The following WSCD2 variants were observed in gnomAD, a reference collection of about 807,000 sequenced individuals.
WSCD2 encodes WSC domain sialate O sulfotransferase 2.
Under a neutral mutation model 55.7 loss-of-function variants are expected in WSCD2, and 28 were observed. The ratio of observed to expected loss-of-function variants is 0.50; its 90% CI spans 0.37 to 0.69. The LOEUF (loss-of-function observed/expected upper bound fraction) is 0.69, where lower values mean the gene tolerates loss of function less well. Ranked by LOEUF, WSCD2 falls within the 30% of genes least tolerant of loss-of-function variation. The probability of loss-of-function intolerance (pLI) is 0.00; values close to 1 mark genes in which losing one functional copy is unlikely to be tolerated. For synonymous variants in WSCD2, 301 were observed against 301.9 expected (o/e 1.00, Z 0.03); for missense variants, 616 against 762.1 (o/e 0.81, Z 2.26).
intron 1 of WSCD2, among the ~76,000 whole-genome samples, chr12:108,187,964 A>G (rs1592968770): frequency 6.6e-6 from 1 of 152,310 alleles, no homozygotes; most frequent in East Asian, 1.9e-4. Context: ...AAGATTGCCC[A>G]TGGAGCAAGA....
chr12:108,227,470 G>C (rs1888237059), intron 6 of WSCD2, among the ~76,000 whole-genome samples: 1 of 152,246 alleles, frequency 6.6e-6, no homozygotes, highest in African/African-American at 2.4e-5. Flanking sequence ...CAGATTCACT[G>C]TGTTATCCCG....
chr12:108,208,640 A>G (rs1219377885), intron 3 of WSCD2, among the ~76,000 whole-genome samples: 1 of 152,186 alleles, frequency 6.6e-6, no homozygotes, highest in Non-Finnish European at 1.5e-5. Context: ...GAGTACACAG[A>G]GGGTACAAAG....
rs147841464 is a variant in WSCD2, at chr12:108,189,444, T to C, written c.-551-5838T>C. On this transcript the variant is annotated intron_variant, in intron 1 of 8. Coordinates refer to ENST00000547525, the MANE Select transcript of WSCD2 (RefSeq NM_014653.4). ...GCTTCCAAATGTTAATATTCTAGCA[T>C]GTCTTGCCTGCCAACCACACAAGCA... is the stretch of plus-strand genomic sequence containing the variant. 338 of 152,326 alleles carry C rather than the reference T, an allele frequency of 2.2e-3. 1 individual carries two copies. Among genetic ancestry groups the C allele is most frequent in the African/African-American group, 7.5e-3 (311 of 41,570 alleles). The allele number at this position is 152,326 out of a possible 1,614,324, so 9.4% of individuals were successfully genotyped here.
Position 108,240,423 on chromosome 12 carries a change from C to T in WSCD2, c.1224C>T (p.Ile408=), listed in dbSNP as rs1292367195. 1.9e-6 allele frequency: 3 copies of T among 1,614,142 alleles called. No homozygotes were observed. Among genetic ancestry groups the T allele is most frequent in the Admixed American group, 1.7e-5 (1 of 60,034 alleles). The change falls in exon 8 of 9, where the codon ATC becomes ATT. Residue 408 remains isoleucine (I), a synonymous_variant. Transcript: ENST00000547525. Reference sequence around the variant, plus strand: ...CGCACGAAAGCGGCCAGAAAGAGATCGAGGCCTTCGACGCCGCCATCCTGC... The same window carrying T: ...CGCACGAAAGCGGCCAGAAAGAGATTGAGGCCTTCGACGCCGCCATCCTGC... ...IKTHESGQKE[I]EAFDAAILLI...
intron 4 of WSCD2, among the ~76,000 whole-genome samples, chr12:108,217,581 G>T (rs1886991370): frequency 6.6e-6 from 1 of 152,086 alleles, no homozygotes; most frequent in East Asian, 1.9e-4. Flanking sequence ...TTCCCTTCCT[G>T]GCTTGGAAGG....
chr12:108,216,445 C>A (rs1051524160), intron 4 of WSCD2, among the ~76,000 whole-genome samples: 2 of 152,174 alleles, frequency 1.3e-5, no homozygotes, highest in Admixed American at 1.3e-4. Flanking sequence ...TTCATGACTC[C>A]AGGGAGTACC....
chr12:108,207,823 T>C (rs566707158), intron 3 of WSCD2, among the ~76,000 whole-genome samples: 2 of 152,124 alleles, frequency 1.3e-5, no homozygotes, highest in South Asian at 4.2e-4. Context: ...ATCACTAACT[T>C]ATCTGTCAAA....
chr12:108,152,751 A>G (rs1296760803), intron 1 of WSCD2, among the ~76,000 whole-genome samples: 1 of 152,222 alleles, frequency 6.6e-6, no homozygotes, highest in African/African-American at 2.4e-5. Context: ...TGCTAGGTTC[A>G]GATCCCTAAA....
chr12:108,168,410 C>T (rs745535952), intron 1 of WSCD2, among the ~76,000 whole-genome samples: 1 of 152,196 alleles, frequency 6.6e-6, no homozygotes, highest in Non-Finnish European at 1.5e-5. Context: ...CCCCCATCTC[C>T]TCCATTAGGT....
chr12:108,240,807 G>C (rs139276026), intron 8 of WSCD2, among the ~76,000 whole-genome samples: 391 of 152,322 alleles, frequency 2.6e-3, no homozygotes, highest in Non-Finnish European at 4.8e-3. Flanking sequence ...AAAATCATGG[G>C]CTTGGGAGAA....
intron 1 of WSCD2, among the ~76,000 whole-genome samples, chr12:108,193,428 ATGAG>A (rs1440712745): frequency 2.6e-5 from 4 of 152,270 alleles, no homozygotes; most frequent in African/African-American, 9.6e-5. Flanking sequence ...AAATGGAAGA[ATGAG>A]TGGATGACTG....
chr12:108,248,433 C>A lies in WSCD2; in HGVS notation c.*90C>A. On this transcript the variant is annotated 3_prime_UTR_variant, in exon 9 of 9. Coordinates refer to ENST00000547525, the MANE Select transcript of WSCD2 (RefSeq NM_014653.4). This position sits in a 1 kb window ranked among gnomAD's most constrained non-coding sequence, Gnocchi z 4.3. The stretch of plus-strand genomic sequence containing the variant: ...CCCTGGTTACCCCCACTCATCTGTC[C>A]TCTCTTTGGTCTGGGGACAATCCCC... The A allele has an allele frequency of 6.7e-7, 1 of 1,492,176 alleles. No homozygotes were observed. Among genetic ancestry groups the A allele is most frequent in the East Asian group, 2.4e-5 (1 of 42,056 alleles). 92.4% of individuals were successfully genotyped at this position (1,492,176 alleles called of 1,614,324 possible).
In WSCD2 at chr12:108,210,535, G is replaced by T. The variant is rs919332433; in HGVS notation, c.682+230G>T. ...CTCTCCCTCCCACTGAGCTGCGTCT[G>T]GTTCCAGCTGTATCCCTCATTCTCA... is the stretch of plus-strand genomic sequence containing the variant. On this transcript the variant is annotated intron_variant, in intron 4 of 8. Transcript: ENST00000547525. This position sits in a 1 kb window ranked among gnomAD's most constrained non-coding sequence, Gnocchi z 4.3. Among the ~76,000 whole-genome samples the T allele has an allele frequency of 6.6e-6, 1 of 152,190 alleles. No individual in the cohort carries two copies. Among genetic ancestry groups the T allele is most frequent in the African/African-American group, 2.4e-5 (1 of 41,448 alleles).
intron 1 of WSCD2, among the ~76,000 whole-genome samples, chr12:108,166,579 G>A (rs1406558271): frequency 2.0e-5 from 3 of 152,176 alleles, no homozygotes; most frequent in South Asian, 4.1e-4. Flanking sequence ...CTGATCCACC[G>A]GAGAGTAAGC....
chr12:108,242,396 G>T (rs74546273), intron 8 of WSCD2, among the ~76,000 whole-genome samples: 3,777 of 152,224 alleles, frequency 0.025, 223 homozygotes, highest in East Asian at 0.25. Context: ...AGCAAAACTG[G>T]TCACCAGGCT....
chr12:108,142,175 G>C (rs1337325872), intron 1 of WSCD2, among the ~76,000 whole-genome samples: 1 of 151,958 alleles, frequency 6.6e-6, no homozygotes, highest in Admixed American at 6.5e-5. Flanking sequence ...TTTCCTTTTT[G>C]AAAAACTAAT....
rs74374883 is a variant in WSCD2, at chr12:108,203,137, G to A, written c.383-3152G>A. ...GGCAAGTTGCTAAGCTTGAGTATCA[G>A]TGTAGTAGTTAGTGCTCCCCCTACC... On this transcript the variant is annotated intron_variant, in intron 2 of 8. Coordinates refer to ENST00000547525, the MANE Select transcript of WSCD2 (RefSeq NM_014653.4). Among the ~76,000 whole-genome samples, 1,229 of 152,326 alleles carry A rather than the reference G, an allele frequency of 8.1e-3. 18 individuals carry two copies. Among genetic ancestry groups the A allele is most frequent in the African/African-American group, 0.029 (1,187 of 41,568 alleles).
At chr12:108,244,488 A>T (rs1162232160) in intron 8 of WSCD2, 1 of 702,780 alleles carries the variant, frequency 1.4e-6, no homozygotes, top group Non-Finnish European at 2.6e-6. Context: ...TCATAACACT[A>T]ACCAGTATTT....
rs1403184312 is a variant in WSCD2 at position 108,248,367 on chromosome 12, G to A, written c.*24G>A. ...GATGCGTCCACACAGGGGGAGGGTA[G>A]ACTGGGAGTCCTGACCACGCAGGCC... On this transcript the variant is annotated 3_prime_UTR_variant, in exon 9 of 9. Transcript: ENST00000547525. The surrounding 1 kb of genome is among the most constrained non-coding windows in gnomAD (Gnocchi z 4.3). 1 of 1,595,998 alleles carries A rather than the reference G, an allele frequency of 6.3e-7. No individual in the cohort carries two copies. The highest frequency in any genetic ancestry group is 8.6e-7 in the Non-Finnish European group (1 of 1,168,390).
Sources: allele counts gnomAD v4.1 joint callset (sites outside exome capture counted in the v4.1 genomes callset), GRCh38; gene constraint gnomAD v4.1.1; non-coding constraint Gnocchi (gnomAD v3.1); transcripts MANE v1.5; gene names NCBI Gene and HGNC (gene_info 2026-07-23, HGNC 2026-07-21).